Variants in POU6F2 observed in about 807,000 individuals in gnomAD.
POU6F2 encodes POU class 6 homeobox 2.
A neutral mutation model predicts 71.3 loss-of-function variants in POU6F2; 31 were observed. The ratio of observed to expected loss-of-function variants is 0.43; its 90% CI spans 0.33 to 0.59. The LOEUF is 0.59. Ranked by LOEUF, POU6F2 falls within the 20% of genes least tolerant of loss-of-function variation. The pLI is 0.04. For missense variants in POU6F2, 783 were observed against 856.8 expected (o/e 0.91, Z 1.07); for synonymous variants, 347 against 355.7 (o/e 0.98, Z 0.27).
At chr7:39,172,826 G>T (rs904575576) in intron 2 of POU6F2, among the ~76,000 whole-genome samples, 5 of 152,032 alleles carry the variant, frequency 3.3e-5, no homozygotes, top group African/African-American at 1.2e-4. Flanking sequence ...TCTCCATGTT[G>T]CCCAGGCTGG....
intron 2 of POU6F2, among the ~76,000 whole-genome samples, chr7:39,198,344 T>G (rs1331037121): frequency 6.6e-6 from 1 of 152,216 alleles, no homozygotes; most frequent in Non-Finnish European, 1.5e-5. Flanking sequence ...ATTTGTAGAA[T>G]TTCTTTTTGT....
rs546952568 is a variant in POU6F2 at position 39,373,884 on chromosome 7, T to G, written c.973-32716T>G. On this transcript the variant is annotated intron_variant, in intron 5 of 9. Transcript: ENST00000518318. The stretch of plus-strand genomic sequence containing the variant: ...ATTATATTCATTCCAAAAAGAAGTT[T>G]TTTTTCAAAGAAATAATGGATTTTG... Among the ~76,000 whole-genome samples the G allele has an allele frequency of 6.6e-5, 10 of 152,334 alleles. No homozygotes were observed. The East Asian group carries it at 7.7e-4, about 12-fold the overall frequency.
chr7:39,374,840 C>G (rs1185469739), intron 5 of POU6F2, among the ~76,000 whole-genome samples: 1 of 152,178 alleles, frequency 6.6e-6, no homozygotes, highest in Non-Finnish European at 1.5e-5. Flanking sequence ...CAGATTCTGG[C>G]TGGGTGAACC....
At chr7:39,037,280 T>G (rs1320951223) in intron 1 of POU6F2, among the ~76,000 whole-genome samples, 1 of 152,030 alleles carries the variant, frequency 6.6e-6, no homozygotes, top group African/African-American at 2.4e-5. Flanking sequence ...CTTCATTTAT[T>G]TTCTTTTTTG....
rs1010130456 is a variant in POU6F2, at chr7:38,993,691, T to G, written c.105+15633T>G. Among the ~76,000 whole-genome samples, 3 of 136,648 alleles carry G rather than the reference T, an allele frequency of 2.2e-5. No homozygotes were observed. The East Asian group carries it at 5.8e-4, about 26-fold the overall frequency. The allele number at this position is 136,648 out of a possible 152,430, so 89.6% of individuals were successfully genotyped here. A position where few individuals can be genotyped will look rare whatever the true frequency, so the allele number is the denominator to read the frequency against. On this transcript the variant is annotated intron_variant, in intron 1 of 9. Coordinates refer to ENST00000518318, the MANE Select transcript of POU6F2 (RefSeq NM_001370959.1). Reference sequence around the variant, plus strand: ...TTTTTTTAATAGTATATGGAAACCTTTTTTTTTGGTCTTTTCACAAGAAGT... The same window carrying G: ...TTTTTTTAATAGTATATGGAAACCTGTTTTTTTGGTCTTTTCACAAGAAGT...
chr7:39,197,971 G>A (rs778004908), intron 2 of POU6F2, among the ~76,000 whole-genome samples: 6 of 152,184 alleles, frequency 3.9e-5, no homozygotes, highest in African/African-American at 7.2e-5. Flanking sequence ...AGAGATAGCA[G>A]TACTCAAGGA....
chr7:39,132,216 A>G (rs80294024), intron 2 of POU6F2, among the ~76,000 whole-genome samples: 2,160 of 152,308 alleles, frequency 0.014, 54 homozygotes, highest in African/African-American at 0.048. Flanking sequence ...CATTTTGGAA[A>G]ACTGTAAGAC....
intron 4 of POU6F2, among the ~76,000 whole-genome samples, chr7:39,309,675 G>A (rs909425010): frequency 4.6e-5 from 7 of 152,150 alleles, no homozygotes; most frequent in African/African-American, 1.4e-4. Flanking sequence ...GAAAGCCTAC[G>A]CTTGTCATTT....
chr7:39,275,565 T>C (rs2128757960), intron 4 of POU6F2, among the ~76,000 whole-genome samples: 1 of 152,234 alleles, frequency 6.6e-6, no homozygotes, highest in Non-Finnish European at 1.5e-5. Flanking sequence ...AAAGTTCATA[T>C]GGAAACAAAA....
At chr7:39,011,478 A>AT (rs1789282792) in intron 1 of POU6F2, among the ~76,000 whole-genome samples, 2 of 144,830 alleles carry the variant, frequency 1.4e-5, no homozygotes, top group Non-Finnish European at 3.1e-5. Context: ...TCTTTATCCA[A>AT]TTTGCCAGTC....
chr7:39,355,933 C>T (rs1293244787), intron 5 of POU6F2, among the ~76,000 whole-genome samples: 1 of 151,926 alleles, frequency 6.6e-6, no homozygotes, highest in African/African-American at 2.4e-5. Context: ...TAATTTAGGC[C>T]CCTGGAAGCT....
chr7:39,103,547 A>G (rs757053210), intron 2 of POU6F2, among the ~76,000 whole-genome samples: 17 of 152,242 alleles, frequency 1.1e-4, no homozygotes, highest in Non-Finnish European at 1.9e-4. Flanking sequence ...GTGTTCCCCT[A>G]GAAAATGTCC....
chr7:39,141,527 A>G (rs1311449327), intron 2 of POU6F2, among the ~76,000 whole-genome samples: 1 of 152,198 alleles, frequency 6.6e-6, no homozygotes, highest in Admixed American at 6.5e-5. Flanking sequence ...ACTAAAGTCT[A>G]TTGCATTCTT....
At chr7:39,275,411 C>T (rs1361048856) in intron 4 of POU6F2, among the ~76,000 whole-genome samples, 3 of 152,040 alleles carry the variant, frequency 2.0e-5, no homozygotes, top group Non-Finnish European at 4.4e-5. Flanking sequence ...AGGATACAAA[C>T]AAATGGAAGA....
In POU6F2 at chr7:39,038,950, A is replaced by G. The variant is rs115395529; in HGVS notation, c.106-46910A>G. On this transcript the variant is annotated intron_variant, in intron 1 of 9. Transcript: ENST00000518318. ...GAAGGGGAAACTGTGGGTGTTTAAT[A>G]ATGAGGGAAGACAAAACTGCTTATG... Among the ~76,000 whole-genome samples the G allele has an allele frequency of 6.8e-3, 1,034 of 151,984 alleles. 11 individuals carry two copies. The highest frequency in any genetic ancestry group is 0.024 in the African/African-American group (1,001 of 41,500).
chr7:39,233,662 A>G (rs1794619098), intron 4 of POU6F2, among the ~76,000 whole-genome samples: 1 of 152,154 alleles, frequency 6.6e-6, no homozygotes, highest in Admixed American at 6.5e-5. Context: ...CTGCACTACT[A>G]ATGCCACTGG....
intron 4 of POU6F2, among the ~76,000 whole-genome samples, chr7:39,278,600 A>G (rs1784503812): frequency 6.6e-6 from 1 of 152,138 alleles, no homozygotes; most frequent in Admixed American, 6.5e-5. Flanking sequence ...GGCCCAATCT[A>G]GACACCCACC....
chr7:39,087,118 G>C (rs950197556), intron 2 of POU6F2, among the ~76,000 whole-genome samples: 1 of 149,850 alleles, frequency 6.7e-6, no homozygotes, highest in African/African-American at 2.4e-5. Context: ...AAGAAAGTCA[G>C]CAATTCGGCT....
intron 1 of POU6F2, among the ~76,000 whole-genome samples, chr7:39,073,393 A>C (rs1273283992): frequency 2.0e-5 from 3 of 151,068 alleles, no homozygotes; most frequent in African/African-American, 7.3e-5. Flanking sequence ...AAAAAAAAAA[A>C]AACCTTCTAG....
Sources: allele counts gnomAD v4.1 joint callset (sites outside exome capture counted in the v4.1 genomes callset), GRCh38; gene constraint gnomAD v4.1.1; transcripts MANE v1.5; gene names NCBI Gene and HGNC (gene_info 2026-07-23, HGNC 2026-07-21).